The following IL17RA variants were observed in gnomAD, a reference collection of about 807,000 sequenced individuals.
IL17RA encodes the protein interleukin-17 receptor A.
In IL17RA, 34 loss-of-function variants were observed where a neutral mutation model predicts 50.4. The observed-to-expected ratio is 0.67, with a 90% CI of 0.51 to 0.90. IL17RA has a LOEUF of 0.90. Among genes scored for constraint, IL17RA ranks in the 40% least tolerant of loss-of-function variants. IL17RA has a pLI of 0.00. For synonymous variants in IL17RA, 585 were observed against 510.4 expected (o/e 1.15, Z -1.97); for missense variants, 1,276 against 1,169.8 (o/e 1.09, Z -1.32).
At chr22:17,106,363 G>A (rs896476489) in intron 11 of IL17RA, among the ~76,000 whole-genome samples, 3 of 152,146 alleles carry the variant, frequency 2.0e-5, no homozygotes, top group Admixed American at 6.5e-5. Flanking sequence ...AGAAGGCTCC[G>A]GCTGCCCTGA....
At position 17,108,423 on chromosome 22, in the gene IL17RA, C is replaced by T. The variant is rs2061422876; in HGVS notation, c.1204C>T (p.Leu402=). The T allele has an allele frequency of 1.9e-6, 3 of 1,613,984 alleles. No homozygotes were observed. The highest frequency in any genetic ancestry group is 2.5e-6 in the Non-Finnish European group (3 of 1,180,040). ...VDVVLKFAQF[L]LTACGTEVAL... is the part of the protein sequence containing the mutation. ...CGTGGTCCTGAAATTCGCCCAGTTC[C>T]TGCTCACCGCCTGCGGCACGGAAGT... Residue 402 remains leucine, a synonymous_variant, in exon 13 of 13, where the codon CTG becomes TTG. Transcript: ENST00000319363.
intron 1 of IL17RA, 27 bp downstream of exon 1, chr22:17,085,256 C>A: frequency 6.5e-7 from 1 of 1,536,970 alleles, no homozygotes. Context: ...GGAGCGGTAG[C>A]CGCCAGGATG....
intron 11 of IL17RA, among the ~76,000 whole-genome samples, chr22:17,106,868 C>T (rs1042838368): frequency 9.4e-5 from 14 of 148,952 alleles, no homozygotes; most frequent in African/African-American, 3.2e-4. Flanking sequence ...GCGGCGGCGG[C>T]GCTTTTGGTT....
Position 17,109,830 on chromosome 22 carries a change from C to T in IL17RA, c.*10C>T, listed in dbSNP as rs2061433309. ...GGGGCCCAGTGCATGAGGGCGGCTC[C>T]CCAGGGACCGCCCAGATCCCAGCTT... On this transcript the variant is annotated 3_prime_UTR_variant, in exon 13 of 13. Coordinates refer to ENST00000319363, the MANE Select transcript of IL17RA (RefSeq NM_014339.7). 6.5e-7 allele frequency: 1 copy of T among 1,548,180 alleles called. No homozygotes were observed. The highest frequency in any genetic ancestry group is 1.4e-5 in the African/African-American group (1 of 73,046).
At chr22:17,102,444 G>A (rs2061395324) in intron 7 of IL17RA, 142 bp downstream of exon 7, 8 of 917,476 alleles carry the variant, frequency 8.7e-6, no homozygotes, top group South Asian at 4.0e-5. Flanking sequence ...TGATCATGGC[G>A]CCTTGCCCTT....
At position 17,112,354 on chromosome 22, in the gene IL17RA, T is replaced by A. The variant is rs925608537; in HGVS notation, c.*2534T>A. 2 of 152,176 alleles carry A rather than the reference T, an allele frequency of 1.3e-5. No homozygotes were observed. Among genetic ancestry groups the A allele is most frequent in the Non-Finnish European group, 2.9e-5 (2 of 68,054 alleles). 9.4% of individuals were successfully genotyped at this position (152,176 alleles called of 1,614,324 possible). ...TGACCCTGCACAATTTGATGCCGGT[T>A]TAGTATAGTCACAGTTCAGCAGCCA... On this transcript the variant is annotated 3_prime_UTR_variant, in exon 13 of 13. Transcript: ENST00000319363.
intron 4 of IL17RA, among the ~76,000 whole-genome samples, chr22:17,099,269 C>G (rs2061381142): frequency 6.6e-6 from 1 of 152,152 alleles, no homozygotes. Context: ...TGGGGCCTAC[C>G]TTCAGGAAGA....
At position 17,094,691 on chromosome 22, in the gene IL17RA, C is replaced by CTCTCTCTCTCTCTCTCTATA. The variant is rs1448096911; in HGVS notation, c.139-2370_139-2369insCTCTCTCTCTCTCTCTATAT. Among the ~76,000 whole-genome samples the CTCTCTCTCTCTCTCTCTATA allele has an allele frequency of 3.2e-4, 8 of 24,690 alleles. 1 individual carries two copies. The highest frequency in any genetic ancestry group is 1.8e-3 in the South Asian group (1 of 570). 16.2% of individuals were successfully genotyped at this position (24,690 alleles called of 152,430 possible). A position where few individuals can be genotyped will look rare whatever the true frequency, so the allele number is the denominator to read the frequency against. On this transcript the variant is annotated intron_variant, in intron 1 of 12. Transcript: ENST00000319363. ...TCTCTCTCTCTCTCTCTCTCTCTCT[C>CTCTCTCTCTCTCTCTCTATA]TATATATATATATATATATATATAT... is the stretch of plus-strand genomic sequence containing the variant.
intron 3 of IL17RA, 100 bp from the exon 4 acceptor site, chr22:17,098,669 ATTTTCT>A (rs1419841125): frequency 1.2e-6 from 1 of 848,884 alleles, no homozygotes; most frequent in Non-Finnish European, 2.0e-6. Flanking sequence ...AAGACGGCAG[ATTTTCT>A]TTTAGGAGTG....
In IL17RA at chr22:17,109,372, TCCTC is replaced by T; in HGVS notation, c.2156_2159del (p.Leu719ProfsTer25). The T allele has an allele frequency of 6.2e-7, 1 of 1,610,808 alleles. No individual in the cohort carries two copies. The highest frequency in any genetic ancestry group is 2.2e-5 in the East Asian group (1 of 44,864). ...GGCGCTGGGCGAAATAGCGTCCTCT[TCCTC>T]CCCGTGGACCCCGAGGACTCGCCCC... On this transcript the variant is annotated frameshift_variant, in exon 13 of 13. Coordinates refer to ENST00000319363, the MANE Select transcript of IL17RA (RefSeq NM_014339.7). LOFTEE classifies it low-confidence loss of function (END_TRUNC).
In IL17RA at chr22:17,094,697, A is replaced by C. The variant is rs867210153; in HGVS notation, c.139-2365A>C. On this transcript the variant is annotated intron_variant, in intron 1 of 12. Transcript: ENST00000319363. ...TCTCTCTCTCTCTCTCTCTCTATAT[A>C]TATATATATATATATATATATTCAG... Among the ~76,000 whole-genome samples the C allele has an allele frequency of 7.3e-3, 384 of 52,424 alleles. 3 individuals carry two copies. The highest frequency in any genetic ancestry group is 0.023 in the African/African-American group (152 of 6,670). The allele number at this position is 52,424 out of a possible 152,430, so 34.4% of individuals were successfully genotyped here.
At chr22:17,103,882 G>C (rs1046217391) in intron 8 of IL17RA, among the ~76,000 whole-genome samples, 3 of 125,772 alleles carry the variant, frequency 2.4e-5, no homozygotes, top group African/African-American at 9.3e-5. Flanking sequence ...GGTGTGGCTG[G>C]GAGTGGGGAG....
chr22:17,098,717 C>G, intron 3 of IL17RA, 58 bp from the exon 4 acceptor site: 4 of 1,390,216 alleles, frequency 2.9e-6, no homozygotes, highest in Non-Finnish European at 4.1e-6. Flanking sequence ...AGTGACACAC[C>G]CAGCACTTGT....
chr22:17,097,715 G>C (rs1237830427), intron 2 of IL17RA, 82 bp from the exon 3 acceptor site: 4 of 1,577,326 alleles, frequency 2.5e-6, no homozygotes, highest in Non-Finnish European at 2.6e-6. Context: ...GCTGTTTGCT[G>C]TCTAGCTGTC....
chr22:17,108,293 T>G lies in IL17RA; in HGVS notation c.1088-14T>G. 6.2e-7 allele frequency: 1 copy of G among 1,613,666 alleles called. No homozygotes were observed. Among genetic ancestry groups the G allele is most frequent in the Non-Finnish European group, 8.5e-7 (1 of 1,179,878 alleles). On this transcript the variant is annotated splice_polypyrimidine_tract_variant and intron_variant, in intron 12 of 12. Transcript: ENST00000319363. ...CTGGGGTGAGGGTCAGCATGTGTGG[T>G]CTTGTTTCCTTAGATGGCCTGCCTG...
rs770769697 is a variant in IL17RA, at chr22:17,097,124, C to G, written c.163+38C>G. 1.3e-4 allele frequency: 212 copies of G among 1,597,470 alleles called. 1 individual carries two copies. The highest frequency in any genetic ancestry group is 1.8e-4 in the Non-Finnish European group (209 of 1,164,990). On this transcript the variant is annotated intron_variant, in intron 2 of 12. Coordinates refer to ENST00000319363, the MANE Select transcript of IL17RA (RefSeq NM_014339.7). ...TTTCTGTTCTTCTTCTTGTTGCCTTCTTAATCAAGTGAGAGCCTGCTGCCA... is the reference window on the plus strand; with the variant it reads ...TTTCTGTTCTTCTTCTTGTTGCCTTGTTAATCAAGTGAGAGCCTGCTGCCA...
rs145541428 is a variant in IL17RA at position 17,102,322 on chromosome 22, C to T, written c.762+20C>T. 2.8e-3 allele frequency: 4,524 copies of T among 1,613,832 alleles called. 12 individuals carry two copies. The highest frequency in any genetic ancestry group is 0.011 in the Middle Eastern group (65 of 6,056). Reference sequence around the variant, plus strand: ...CCTGCGGTAACTCTGCTCTTTTTGACCCCTCTAGCATAGCTCAGGACCACC... The same window carrying T: ...CCTGCGGTAACTCTGCTCTTTTTGATCCCTCTAGCATAGCTCAGGACCACC... On this transcript the variant is annotated intron_variant, in intron 7 of 12. Transcript: ENST00000319363.
rs2061437173 is a variant in IL17RA, at chr22:17,110,552, G to A, written c.*732G>A. ...CGGGATGTAAACGCTGAATGGGCCAGGTGCAGTGGCTCATGCTTGTAATCC... is the reference window on the plus strand; with the variant it reads ...CGGGATGTAAACGCTGAATGGGCCAAGTGCAGTGGCTCATGCTTGTAATCC... On this transcript the variant is annotated 3_prime_UTR_variant, in exon 13 of 13. Coordinates refer to ENST00000319363, the MANE Select transcript of IL17RA (RefSeq NM_014339.7). 1 of 152,958 alleles carries A rather than the reference G, an allele frequency of 6.5e-6. No homozygotes were observed. Among genetic ancestry groups the A allele is most frequent in the African/African-American group, 2.4e-5 (1 of 41,346 alleles). 9.5% of individuals were successfully genotyped at this position (152,958 alleles called of 1,614,324 possible). A position where few individuals can be genotyped will look rare whatever the true frequency, so the allele number is the denominator to read the frequency against.
chr22:17,094,691 C>CTCTCTCTCTCTCTCTATATATATA (rs1448096911), intron 1 of IL17RA, among the ~76,000 whole-genome samples: 1 of 24,702 alleles, frequency 4.0e-5, no homozygotes, highest in African/African-American at 2.3e-4. Context: ...CTCTCTCTCT[C>CTCTCTCTCTCTCTCTATATATATA]TATATATATA....
Sources: gnomAD v4.1 joint callset for allele counts (sites outside exome capture counted in the v4.1 genomes callset) on GRCh38, gnomAD v4.1.1 for gene constraint, MANE v1.5 for transcripts, NCBI Gene and HGNC (gene_info 2026-07-23, HGNC 2026-07-21) for gene names.